UGGT2: variants seen among roughly 807,000 people sequenced by gnomAD.
The protein encoded by UGGT2 is UDP-glucose:glycoprotein glucosyltransferase 2.
UGGT2 carries 180 observed loss-of-function variants against 192.1 expected under a neutral mutation model. That is an observed-to-expected ratio of 0.94 (90% CI 0.83 to 1.06). UGGT2 has a LOEUF of 1.06. UGGT2 is among the 50% of genes least tolerant of loss of function. The pLI, the probability that UGGT2 is intolerant of heterozygous loss-of-function variation, is 0.00. For synonymous variants in UGGT2, 580 were observed against 591.0 expected, an observed-to-expected ratio of 0.98 and a Z score of 0.27; for missense variants, 1,849 against 1,795.7, an observed-to-expected ratio of 1.03 and a Z score of -0.54.
At chr13:95,843,282 T>C (rs1173064416) in intron 36 of UGGT2, among the ~76,000 whole-genome samples, 1 of 152,182 alleles carries the variant, frequency 6.6e-6, no homozygotes, top group African/African-American at 2.4e-5. Context: ...TTTCAACACT[T>C]GGTATGGTCA....
At chr13:95,820,884 T>G (rs1885442242) in intron 38 of UGGT2, among the ~76,000 whole-genome samples, 1 of 152,138 alleles carries the variant, frequency 6.6e-6, no homozygotes, top group African/African-American at 2.4e-5. Flanking sequence ...ATTACTTCAC[T>G]TAGAATAATG....
intron 20 of UGGT2, among the ~76,000 whole-genome samples, chr13:95,906,993 T>A (rs2048312007): frequency 1.3e-5 from 2 of 152,162 alleles, no homozygotes; most frequent in Admixed American, 1.3e-4. Flanking sequence ...GTGGGGGAAT[T>A]TCCCTTTCCT....
intron 38 of UGGT2, among the ~76,000 whole-genome samples, chr13:95,821,411 C>T (rs1454374890): frequency 6.6e-6 from 1 of 152,060 alleles, no homozygotes; most frequent in African/African-American, 2.4e-5. Flanking sequence ...TATTCATGTC[C>T]TTTGCCCACG....
intron 1 of UGGT2, among the ~76,000 whole-genome samples, chr13:96,048,587 C>T (rs1448043051): frequency 6.6e-6 from 1 of 152,028 alleles, no homozygotes; most frequent in African/African-American, 2.4e-5. Context: ...TGATAGACCG[C>T]TAGCAAGACT....
At chr13:95,859,993 T>G (rs1185865361) in intron 32 of UGGT2, 1 of 168,226 alleles carries the variant, frequency 5.9e-6, no homozygotes, top group African/African-American at 2.4e-5. Context: ...TGTCCATGAC[T>G]GTGTGATTAA....
At chr13:95,849,085 A>G (rs1566585282) in intron 36 of UGGT2, among the ~76,000 whole-genome samples, 1 of 152,204 alleles carries the variant, frequency 6.6e-6, no homozygotes, top group Admixed American at 6.5e-5. Flanking sequence ...GTTGGAATAC[A>G]GAAAAATGAC....
Position 95,861,885 on chromosome 13 carries a change from G to A in UGGT2, c.3645-1002C>T, listed in dbSNP as rs149135040. On this transcript the variant is annotated intron_variant, in intron 31 of 38. Transcript: ENST00000376747. ...AGCATCATAAGACACACAACACTAC[G>A]TATCTGGAGCAGTTAACGTCCCAAA... 3.3e-3 allele frequency among the ~76,000 whole-genome samples: 498 copies of A among 152,180 alleles called. 4 individuals are homozygous for A. The highest frequency in any genetic ancestry group is 5.5e-3 in the Non-Finnish European group (371 of 68,016).
At chr13:95,904,708 C>T (rs553193836) in intron 20 of UGGT2, among the ~76,000 whole-genome samples, 3 of 151,920 alleles carry the variant, frequency 2.0e-5, no homozygotes, top group South Asian at 2.1e-4. Flanking sequence ...TTGGACATTT[C>T]GGTTGGTTCC....
chr13:96,001,357 C>T (rs1164401773), intron 5 of UGGT2, among the ~76,000 whole-genome samples: 1 of 152,090 alleles, frequency 6.6e-6, no homozygotes. Context: ...GACCCCCACT[C>T]CTGCCCTCCA....
chr13:95,862,980 A>G (rs1208366203), intron 31 of UGGT2, among the ~76,000 whole-genome samples: 1 of 152,034 alleles, frequency 6.6e-6, no homozygotes, highest in Non-Finnish European at 1.5e-5. Flanking sequence ...CTCCCACCTC[A>G]GTCTTCTGAG....
chr13:95,813,657 C>T (rs566403580), intron 38 of UGGT2, among the ~76,000 whole-genome samples: 1 of 152,322 alleles, frequency 6.6e-6, no homozygotes, highest in East Asian at 1.9e-4. Flanking sequence ...GGAGCAACCA[C>T]TTGCTAGAGA....
intron 1 of UGGT2, among the ~76,000 whole-genome samples, chr13:96,036,683 C>A (rs558533800): frequency 2.0e-5 from 3 of 152,324 alleles, no homozygotes; most frequent in African/African-American, 7.2e-5. Context: ...TTATTAATCA[C>A]TGAAGAGCAA....
At chr13:95,825,370 A>G (rs765951802) in intron 38 of UGGT2, among the ~76,000 whole-genome samples, 14 of 152,134 alleles carry the variant, frequency 9.2e-5, no homozygotes, top group Non-Finnish European at 2.1e-4. Context: ...AATTAGATGC[A>G]CTGATGTCTT....
At chr13:95,923,221 G>GT (rs748703283) in intron 20 of UGGT2, among the ~76,000 whole-genome samples, 34 of 151,866 alleles carry the variant, frequency 2.2e-4, no homozygotes, top group Non-Finnish European at 3.2e-4. Context: ...CTGGCTAATT[G>GT]TTTTTAAAAA....
At chr13:95,816,133 T>C (rs1212702261) in intron 38 of UGGT2, among the ~76,000 whole-genome samples, 1 of 152,220 alleles carries the variant, frequency 6.6e-6, no homozygotes, top group Non-Finnish European at 1.5e-5. Flanking sequence ...CAATTAAACC[T>C]CTTTTCTTTA....
At chr13:96,033,197 A>T (rs2052891108) in intron 1 of UGGT2, among the ~76,000 whole-genome samples, 1 of 152,252 alleles carries the variant, frequency 6.6e-6, no homozygotes, top group African/African-American at 2.4e-5. Flanking sequence ...CAATTCTGTG[A>T]AAATGGCCAT....
intron 2 of UGGT2, among the ~76,000 whole-genome samples, chr13:96,031,545 G>C (rs1048834939): frequency 6.6e-6 from 1 of 152,054 alleles, no homozygotes; most frequent in Non-Finnish European, 1.5e-5. Flanking sequence ...TCTGACTCCT[G>C]GGCTCAAGCA....
chr13:95,975,188 A>G (rs2050898796), intron 10 of UGGT2, among the ~76,000 whole-genome samples: 1 of 152,200 alleles, frequency 6.6e-6, no homozygotes, highest in Non-Finnish European at 1.5e-5. Context: ...ATGTAAATAA[A>G]CACTAAAGAC....
intron 1 of UGGT2, among the ~76,000 whole-genome samples, chr13:96,043,221 T>G (rs1014345786): frequency 3.3e-5 from 5 of 152,272 alleles, no homozygotes; most frequent in African/African-American, 1.2e-4. Flanking sequence ...CTTCTGCCTC[T>G]TAAACAAAAC....
Sources: gnomAD v4.1 joint callset for allele counts (sites outside exome capture counted in the v4.1 genomes callset) on GRCh38, gnomAD v4.1.1 for gene constraint, MANE v1.5 for transcripts, NCBI Gene and HGNC (gene_info 2026-07-23, HGNC 2026-07-21) for gene names.